The following STS variants were observed in gnomAD, a reference collection of about 807,000 sequenced individuals.
STS encodes steryl-sulfatase.
STS carries 7 observed loss-of-function variants against 26.8 expected under a neutral mutation model. The ratio of observed to expected loss-of-function variants is 0.26; its 90% CI spans 0.15 to 0.49. The LOEUF is 0.49. Among genes scored for constraint, STS ranks in the 20% least tolerant of loss-of-function variants. The pLI, the probability that STS is intolerant of heterozygous loss-of-function variation, is 0.98. For missense variants in STS, 434 were observed against 465.6 expected, an observed-to-expected ratio of 0.93 and a Z score of 0.63; for synonymous variants, 199 against 189.4, an observed-to-expected ratio of 1.05 and a Z score of -0.42.
chrX:7,298,986 A>G (rs1925797428), intron 7 of STS, among the ~76,000 whole-genome samples: 1 of 94,411 alleles, frequency 1.1e-5, no homozygotes, highest in Non-Finnish European at 2.0e-5. Flanking sequence ...ATATATTAAT[A>G]TTATATAAAA....
chrX:7,325,413 G>A lies in STS; in HGVS notation c.1156G>A (p.Gly386Ser). Reference sequence around the variant, plus strand: ...TCGTTGGCCCAGGGTGATACAGGCTGGCCAGAAGATTGATGAGCCCACTAG... The same window carrying A: ...TCGTTGGCCCAGGGTGATACAGGCTAGCCAGAAGATTGATGAGCCCACTAG... ...ILRWPRVIQA[G>S]QKIDEPTSNM... Residue 386 changes from glycine (G) to serine (S), a missense_variant, in exon 9 of 11, where the codon GGC becomes AGC. This residue lies in a region of STS where 205 missense variants were observed against 177.3 expected (regional missense o/e 1.16). Coordinates refer to ENST00000674429, the MANE Select transcript of STS (RefSeq NM_001320752.2). The A allele has an allele frequency of 8.3e-7, 1 of 1,211,423 alleles. No homozygotes were observed. The highest frequency in any genetic ancestry group is 1.1e-6 in the Non-Finnish European group (1 of 895,262).
intron 1 of STS, among the ~76,000 whole-genome samples, chrX:7,155,278 T>C (rs1933109851): frequency 1.8e-5 from 2 of 112,190 alleles, no homozygotes; most frequent in Non-Finnish European, 3.7e-5. Context: ...AATACCAGAC[T>C]ACTGTTCAGC....
intron 9 of STS, among the ~76,000 whole-genome samples, chrX:7,327,792 T>C (rs1226031389): frequency 8.9e-6 from 1 of 111,864 alleles, no homozygotes; most frequent in African/African-American, 3.3e-5. Context: ...ACAGGATCAA[T>C]AGGAGGATTA....
At chrX:7,247,730 C>A (rs1218919101) in intron 2 of STS, among the ~76,000 whole-genome samples, 3 of 111,610 alleles carry the variant, frequency 2.7e-5, no homozygotes, top group Non-Finnish European at 3.8e-5. Flanking sequence ...GATCTCATAA[C>A]TGAGGGGAGT....
intron 6 of STS, among the ~76,000 whole-genome samples, chrX:7,274,418 C>T (rs1452001416): frequency 9.0e-6 from 1 of 111,696 alleles, no homozygotes; most frequent in Non-Finnish European, 1.9e-5. Context: ...AAAAAGGCCT[C>T]TCACCCAGTA....
intron 2 of STS, among the ~76,000 whole-genome samples, chrX:7,211,061 T>C (rs1168539402): frequency 1.8e-5 from 2 of 112,131 alleles, no homozygotes; most frequent in Non-Finnish European, 3.8e-5. Context: ...TACACATGAA[T>C]GTTGTAGTCA....
At chrX:7,239,433 C>T (rs1482212236) in intron 2 of STS, among the ~76,000 whole-genome samples, 1 of 112,013 alleles carries the variant, frequency 8.9e-6, no homozygotes, top group Non-Finnish European at 1.9e-5. Flanking sequence ...GCAAATAGAT[C>T]AGGAACATTT....
intron 1 of STS, among the ~76,000 whole-genome samples, chrX:7,149,759 T>C (rs1932973501): frequency 8.9e-6 from 1 of 111,776 alleles, no homozygotes; most frequent in African/African-American, 3.3e-5. Context: ...AAGGACCTAT[T>C]CCAGGTCTTT....
intron 2 of STS, among the ~76,000 whole-genome samples, chrX:7,210,181 A>G (rs1476189266): frequency 9.0e-6 from 1 of 111,077 alleles, no homozygotes; most frequent in Non-Finnish European, 1.9e-5. Context: ...CTGGTTCTAG[A>G]TCCTTGAGGA....
chrX:7,218,486 C>T (rs1057512350), intron 2 of STS, among the ~76,000 whole-genome samples: 8 of 112,045 alleles, frequency 7.1e-5, no homozygotes, highest in Non-Finnish European at 5.6e-5. Context: ...CTTATGTATG[C>T]GTCACTAATC....
chrX:7,266,751 C>T (rs1357101107), intron 6 of STS, among the ~76,000 whole-genome samples: 1 of 112,222 alleles, frequency 8.9e-6, no homozygotes, highest in Non-Finnish European at 1.9e-5. Flanking sequence ...CCCATTATCA[C>T]AGCTTTCGGT....
Position 7,227,226 on chromosome X carries a change from G to A in STS, c.-4-25970G>A, listed in dbSNP as rs1291508697. Among the ~76,000 whole-genome samples, 12 of 110,429 alleles carry A rather than the reference G, an allele frequency of 1.1e-4. No individual in the cohort carries two copies. In the Admixed American group the frequency reaches 1.2e-3, roughly 11 times the overall value. On this transcript the variant is annotated intron_variant, in intron 2 of 10. Coordinates refer to ENST00000674429, the MANE Select transcript of STS (RefSeq NM_001320752.2). The stretch of plus-strand genomic sequence containing the variant: ...ATTGTCTTACAAATAAGTTTCCCTG[G>A]TCTATGTTGCTTATCTATATTCCTT...
In STS at chrX:7,259,331, C is replaced by T; in HGVS notation, c.383-18C>T. The T allele has an allele frequency of 8.3e-7, 1 of 1,203,543 alleles. No homozygotes were observed. Among genetic ancestry groups the T allele is most frequent in the Non-Finnish European group, 1.1e-6 (1 of 888,149 alleles). On this transcript the variant is annotated intron_variant, in intron 5 of 10. Coordinates refer to ENST00000674429, the MANE Select transcript of STS (RefSeq NM_001320752.2). ...GGTGTTTATTGGGACTGAAGTGATC[C>T]CCCATTTGTCTTCTCAGGGAAATGG...
intron 2 of STS, among the ~76,000 whole-genome samples, chrX:7,218,406 C>T (rs1276753391): frequency 8.9e-6 from 1 of 112,164 alleles, no homozygotes; most frequent in Non-Finnish European, 1.9e-5. Flanking sequence ...TTTTTTGAAT[C>T]ATTAGTCACA....
At chrX:7,234,269 A>AG (rs1304994914) in intron 2 of STS, among the ~76,000 whole-genome samples, 2 of 112,115 alleles carry the variant, frequency 1.8e-5, no homozygotes, top group African/African-American at 6.5e-5. Context: ...AGATGCCCTC[A>AG]GGGGGCAGAA....
At chrX:7,250,964 G>A (rs111651667) in intron 2 of STS, among the ~76,000 whole-genome samples, 2 of 112,537 alleles carry the variant, frequency 1.8e-5, no homozygotes, top group African/African-American at 6.4e-5. Context: ...TTTAGTCGTT[G>A]TTTGATTGTT....
At chrX:7,260,526 C>T (rs1923690843) in intron 6 of STS, among the ~76,000 whole-genome samples, 1 of 111,817 alleles carries the variant, frequency 8.9e-6, no homozygotes, top group African/African-American at 3.3e-5. Context: ...CTGCCTTAGC[C>T]TTCTGAGTAG....
At chrX:7,222,095 T>A (rs1403687827) in intron 2 of STS, among the ~76,000 whole-genome samples, 9 of 111,680 alleles carry the variant, frequency 8.1e-5, no homozygotes, top group African/African-American at 2.9e-4. Context: ...GCACCATCTA[T>A]GAACCAGGAA....
At chrX:7,205,704 G>A (rs1934208861) in intron 2 of STS, among the ~76,000 whole-genome samples, 1 of 102,513 alleles carries the variant, frequency 9.8e-6, no homozygotes, top group African/African-American at 3.7e-5. Flanking sequence ...CCTGGCTGGA[G>A]TGCAGTGATG....
Sources: allele counts gnomAD v4.1 joint callset (sites outside exome capture counted in the v4.1 genomes callset), GRCh38; gene constraint gnomAD v4.1.1; regional missense constraint gnomAD v4.1.1; transcripts MANE v1.5; gene names NCBI Gene and HGNC (gene_info 2026-07-23, HGNC 2026-07-21).